Variants in STK39 observed in about 807,000 individuals in gnomAD.
STK39 encodes serine/threonine kinase 39, also known as STE20/SPS1-related proline-alanine-rich protein kinase.
A neutral mutation model predicts 77.8 loss-of-function variants in STK39; 20 were observed. The ratio of observed to expected loss-of-function variants is 0.26; its 90% CI spans 0.18 to 0.37. STK39 has a LOEUF of 0.37. Among genes scored for constraint, STK39 ranks in the 10% least tolerant of loss-of-function variants. The probability of loss-of-function intolerance (pLI) is 1.00; values close to 1 mark genes in which losing one functional copy is unlikely to be tolerated. For missense variants in STK39, 479 were observed against 656.5 expected (o/e 0.73, Z 2.95); for synonymous variants, 246 against 234.1 (o/e 1.05, Z -0.47).
intron 10 of STK39, among the ~76,000 whole-genome samples, chr2:168,086,826 G>A (rs992706881): frequency 5.9e-5 from 9 of 152,158 alleles, no homozygotes; most frequent in Non-Finnish European, 7.3e-5. Flanking sequence ...AAGTTGGAAG[G>A]GAACTATTCT....
At chr2:168,056,654 C>T (rs993032055) in intron 14 of STK39, among the ~76,000 whole-genome samples, 3 of 152,122 alleles carry the variant, frequency 2.0e-5, no homozygotes, top group African/African-American at 7.2e-5. Context: ...AGGGCATATA[C>T]AAATATACGT....
At chr2:168,070,439 ATTTCTT>A (rs1465678081) in intron 12 of STK39, among the ~76,000 whole-genome samples, 1 of 150,506 alleles carries the variant, frequency 6.6e-6, no homozygotes, top group Non-Finnish European at 1.5e-5. Context: ...ATACTTCGAT[ATTTCTT>A]TTTTTTTTTT....
intron 1 of STK39, among the ~76,000 whole-genome samples, chr2:168,191,123 G>A (rs1003719358): frequency 1.3e-5 from 2 of 152,232 alleles, no homozygotes; most frequent in East Asian, 1.9e-4. Flanking sequence ...CCTACTTCCA[G>A]GTCAGTCCCA....
At chr2:168,098,898 A>T (rs2105446839) in intron 10 of STK39, among the ~76,000 whole-genome samples, 1 of 152,342 alleles carries the variant, frequency 6.6e-6, no homozygotes, top group East Asian at 1.9e-4. Flanking sequence ...CCAGAAGTGG[A>T]GCTACGTGGC....
intron 1 of STK39, among the ~76,000 whole-genome samples, chr2:168,192,283 G>A (rs1409050928): frequency 1.3e-5 from 2 of 152,038 alleles, no homozygotes; most frequent in Non-Finnish European, 2.9e-5. Context: ...AACACCACAA[G>A]CAGATTCTAG....
chr2:168,021,822 C>G (rs1684579561), intron 14 of STK39, among the ~76,000 whole-genome samples: 1 of 150,492 alleles, frequency 6.6e-6, no homozygotes, highest in Admixed American at 6.6e-5. Flanking sequence ...AATCATATGG[C>G]TTAAAAATTA....
At chr2:168,118,769 T>A (rs1266481200) in intron 10 of STK39, among the ~76,000 whole-genome samples, 1 of 152,174 alleles carries the variant, frequency 6.6e-6, no homozygotes, top group Non-Finnish European at 1.5e-5. Context: ...GGAAAAAATC[T>A]ACGGCTGCAA....
intron 17 of STK39, among the ~76,000 whole-genome samples, chr2:167,957,208 C>A (rs1278372574): frequency 6.6e-6 from 1 of 152,104 alleles, no homozygotes; most frequent in Non-Finnish European, 1.5e-5. Flanking sequence ...AAAAAAGTCA[C>A]TAGCCTAAAG....
Position 168,057,014 on chromosome 2 carries a change from A to G in STK39, c.1376+6486T>C, listed in dbSNP as rs545561234. ...CTTGTAACTTCAAAGGCTATAAAAG[A>G]AGGAAGTCAGACCTTTGAGGGGTGC... is the stretch of plus-strand genomic sequence containing the variant. On this transcript the variant is annotated intron_variant, in intron 14 of 17. Coordinates refer to ENST00000355999, the MANE Select transcript of STK39 (RefSeq NM_013233.3). 2.0e-4 allele frequency among the ~76,000 whole-genome samples: 31 copies of G among 152,270 alleles called. No homozygotes were observed. The East Asian group carries it at 6.0e-3, about 29-fold the overall frequency.
intron 1 of STK39, among the ~76,000 whole-genome samples, chr2:168,233,093 C>G (rs776101972): frequency 1.3e-5 from 2 of 152,120 alleles, no homozygotes; most frequent in Non-Finnish European, 2.9e-5. Flanking sequence ...ACTCTAGCCC[C>G]GATCTTGACT....
At chr2:168,205,486 A>G (rs1006046451) in intron 1 of STK39, among the ~76,000 whole-genome samples, 2 of 152,134 alleles carry the variant, frequency 1.3e-5, no homozygotes, top group African/African-American at 4.8e-5. Context: ...CTGAAGCCAA[A>G]TCTAAATTAC....
chr2:168,026,186 T>C (rs972628738), intron 14 of STK39, among the ~76,000 whole-genome samples: 4 of 152,180 alleles, frequency 2.6e-5, no homozygotes, highest in Non-Finnish European at 4.4e-5. Flanking sequence ...TCAGTTTATG[T>C]AAACTACAGG....
At position 168,243,714 on chromosome 2, in the gene STK39, A is replaced by G. The variant is rs1690830073; in HGVS notation, c.208+3514T>C. Among the ~76,000 whole-genome samples the G allele has an allele frequency of 3.3e-5, 5 of 152,232 alleles. No individual in the cohort carries two copies. In the South Asian group the frequency reaches 1.0e-3, roughly 31 times the overall value. On this transcript the variant is annotated intron_variant, in intron 1 of 17. Coordinates refer to ENST00000355999, the MANE Select transcript of STK39 (RefSeq NM_013233.3). ...TTCAATGACTACAATTCTTTGAATG[A>G]GAAGTTCATTGAGGCTGCTCCATTC...
At chr2:168,018,394 G>A (rs1684468937) in intron 14 of STK39, among the ~76,000 whole-genome samples, 1 of 151,910 alleles carries the variant, frequency 6.6e-6, no homozygotes, top group African/African-American at 2.4e-5. Flanking sequence ...CAGCTACTCA[G>A]GAGGCTGAGG....
intron 14 of STK39, among the ~76,000 whole-genome samples, chr2:168,042,373 T>A (rs1268748551): frequency 6.6e-6 from 1 of 152,148 alleles, no homozygotes; most frequent in Non-Finnish European, 1.5e-5. Context: ...GGAAAAGCCC[T>A]CCCTTTAAAA....
At chr2:168,118,594 T>C (rs1488653928) in intron 10 of STK39, among the ~76,000 whole-genome samples, 2 of 91,674 alleles carry the variant, frequency 2.2e-5, no homozygotes, top group Non-Finnish European at 4.2e-5. Flanking sequence ...TCCCAGAACA[T>C]ATGCTTTCAA....
chr2:168,083,701 G>A (rs1686297954), intron 10 of STK39, among the ~76,000 whole-genome samples: 1 of 152,026 alleles, frequency 6.6e-6, no homozygotes, highest in African/African-American at 2.4e-5. Context: ...TAATGTGGCT[G>A]GGTCACAAGA....
intron 1 of STK39, among the ~76,000 whole-genome samples, chr2:168,187,545 CACAAAAAAAG>C (rs1559138527): frequency 6.6e-6 from 1 of 152,112 alleles, no homozygotes; most frequent in African/African-American, 2.4e-5. Flanking sequence ...AATGAGTTAA[CACAAAAAAAG>C]TCTTTGAAAC....
intron 14 of STK39, among the ~76,000 whole-genome samples, chr2:168,053,975 C>A (rs1471512120): frequency 1.3e-5 from 2 of 152,168 alleles, no homozygotes; most frequent in Non-Finnish European, 1.5e-5. Flanking sequence ...CTAAATCAAG[C>A]AAGTGATGTG....
Sources: gnomAD v4.1 joint callset for allele counts (sites outside exome capture counted in the v4.1 genomes callset) on GRCh38, gnomAD v4.1.1 for gene constraint, MANE v1.5 for transcripts, NCBI Gene and HGNC (gene_info 2026-07-23, HGNC 2026-07-21) for gene names.